THSD7A: variants seen among roughly 807,000 people sequenced by gnomAD.
THSD7A encodes thrombospondin type 1 domain containing 7A.
In THSD7A, 96 loss-of-function variants were observed where a neutral mutation model predicts 231.3. That is an observed-to-expected ratio of 0.41 (90% CI 0.35 to 0.49). The LOEUF (loss-of-function observed/expected upper bound fraction) is 0.49, where lower values mean the gene tolerates loss of function less well. THSD7A is among the 20% of genes least tolerant of loss of function. The pLI is 0.05. For missense variants in THSD7A, 2,290 were observed against 2,070.2 expected (o/e 1.11, Z -2.06); for synonymous variants, 940 against 743.3 (o/e 1.26, Z -4.30).
chr7:11,580,262 T>C (rs1286940864), intron 4 of THSD7A, among the ~76,000 whole-genome samples: 1 of 152,140 alleles, frequency 6.6e-6, no homozygotes, highest in Non-Finnish European at 1.5e-5. Context: ...ATGCAGGTGA[T>C]TCTTAAACTA....
intron 23 of THSD7A, among the ~76,000 whole-genome samples, chr7:11,398,118 G>C (rs577945520): frequency 2.0e-5 from 3 of 152,076 alleles, no homozygotes; most frequent in African/African-American, 7.2e-5. Flanking sequence ...TCACAATAGC[G>C]AAGACTTGGA....
chr7:11,659,989 C>T (rs1782866470), intron 1 of THSD7A, among the ~76,000 whole-genome samples: 1 of 151,464 alleles, frequency 6.6e-6, no homozygotes, highest in Non-Finnish European at 1.5e-5. Flanking sequence ...ATATTTCTTA[C>T]AGACCTCCAA....
chr7:11,480,124 T>C (rs557226229), intron 7 of THSD7A, among the ~76,000 whole-genome samples: 1 of 152,306 alleles, frequency 6.6e-6, no homozygotes, highest in East Asian at 1.9e-4. Flanking sequence ...TCTATAACTT[T>C]CCAGCATGAC....
chr7:11,712,652 T>G (rs1781005480), intron 1 of THSD7A, among the ~76,000 whole-genome samples: 1 of 151,102 alleles, frequency 6.6e-6, no homozygotes, highest in Non-Finnish European at 1.5e-5. Flanking sequence ...GTAAGCAGAA[T>G]CTCAGATTTG....
At chr7:11,462,678 T>C (rs1785550164) in intron 9 of THSD7A, among the ~76,000 whole-genome samples, 1 of 152,150 alleles carries the variant, frequency 6.6e-6, no homozygotes, top group Non-Finnish European at 1.5e-5. Context: ...GTCTAAGACC[T>C]TCAATTCAGG....
chr7:11,479,824 A>T (rs1213977968), intron 7 of THSD7A, among the ~76,000 whole-genome samples: 1 of 152,098 alleles, frequency 6.6e-6, no homozygotes, highest in East Asian at 1.9e-4. Flanking sequence ...AGAGGTAAAT[A>T]GCAGCAGAGA....
At chr7:11,586,217 A>G (rs1779897718) in intron 4 of THSD7A, among the ~76,000 whole-genome samples, 1 of 152,228 alleles carries the variant, frequency 6.6e-6, no homozygotes, top group African/African-American at 2.4e-5. Flanking sequence ...ATTATAGTAT[A>G]CTAGTGAAAG....
chr7:11,472,205 T>C (rs373059089), intron 8 of THSD7A, among the ~76,000 whole-genome samples: 2 of 152,160 alleles, frequency 1.3e-5, no homozygotes, highest in East Asian at 3.9e-4. Context: ...TTATCCTTTG[T>C]ACTGTTTGTA....
At chr7:11,511,215 C>A (rs1787794619) in intron 6 of THSD7A, among the ~76,000 whole-genome samples, 1 of 152,078 alleles carries the variant, frequency 6.6e-6, no homozygotes, top group Non-Finnish European at 1.5e-5. Context: ...ACCTAGGAAT[C>A]CAACTTACAA....
At chr7:11,748,634 T>G (rs1782393657) in intron 1 of THSD7A, among the ~76,000 whole-genome samples, 1 of 152,006 alleles carries the variant, frequency 6.6e-6, no homozygotes, top group Non-Finnish European at 1.5e-5. Flanking sequence ...TTATTAAAGC[T>G]ATAAACTTCC....
chr7:11,466,568 A>G (rs1785714536), intron 9 of THSD7A, among the ~76,000 whole-genome samples: 1 of 152,080 alleles, frequency 6.6e-6, no homozygotes, highest in East Asian at 1.9e-4. Context: ...ATTTCCTCAA[A>G]TACCCAACTG....
intron 4 of THSD7A, among the ~76,000 whole-genome samples, chr7:11,575,400 T>C (rs528517376): frequency 6.6e-6 from 1 of 152,328 alleles, no homozygotes; most frequent in South Asian, 2.1e-4. Flanking sequence ...ATAAACTTTT[T>C]CTTTGCCCTG....
chr7:11,483,263 T>A (rs1247365615), intron 6 of THSD7A, among the ~76,000 whole-genome samples: 1 of 152,160 alleles, frequency 6.6e-6, no homozygotes, highest in African/African-American at 2.4e-5. Context: ...CAGAGTAAAT[T>A]GCAAATGCTC....
intron 2 of THSD7A, among the ~76,000 whole-genome samples, chr7:11,631,774 A>C (rs999494987): frequency 2.0e-5 from 3 of 152,192 alleles, no homozygotes; most frequent in Admixed American, 2.0e-4. Context: ...GCAGATAAAG[A>C]ACTTATTTTC....
intron 8 of THSD7A, among the ~76,000 whole-genome samples, chr7:11,471,519 C>A (rs912138467): frequency 6.6e-6 from 1 of 151,944 alleles, no homozygotes; most frequent in Non-Finnish European, 1.5e-5. Context: ...CTTCTTCATA[C>A]ATAGATACTA....
intron 1 of THSD7A, among the ~76,000 whole-genome samples, chr7:11,666,677 G>C (rs893914464): frequency 7.3e-5 from 11 of 150,616 alleles, no homozygotes; most frequent in Admixed American, 3.3e-4. Flanking sequence ...TGATGAAACT[G>C]TTTTTTGATT....
At chr7:11,378,999 C>CT in intron 26 of THSD7A, 71 bp downstream of exon 26, 1 of 1,476,334 alleles carries the variant, frequency 6.8e-7, no homozygotes, top group Non-Finnish European at 9.3e-7. Flanking sequence ...GCTTTGCTCA[C>CT]TTTTTTAATC....
rs147039754 is a variant in THSD7A, at chr7:11,656,494, A to G, written c.191-19533T>C. ...GAGAAAGCTTGCAGTTGGATTATCT[A>G]GATCTCGTTCTCTACCGGAATTTAT... On this transcript the variant is annotated intron_variant, in intron 1 of 27. Coordinates refer to ENST00000423059, the MANE Select transcript of THSD7A (RefSeq NM_015204.3). Among the ~76,000 whole-genome samples, 73 of 151,950 alleles carry G rather than the reference A, an allele frequency of 4.8e-4. 1 individual carries two copies. The highest frequency in any genetic ancestry group is 1.6e-3 in the African/African-American group (66 of 41,514).
chr7:11,740,915 A>G (rs1043455030), intron 1 of THSD7A, among the ~76,000 whole-genome samples: 1 of 151,988 alleles, frequency 6.6e-6, no homozygotes, highest in African/African-American at 2.4e-5. Context: ...TATTTGCTGA[A>G]TTACTGAACA....
Sources: gnomAD v4.1 joint callset for allele counts (sites outside exome capture counted in the v4.1 genomes callset) on GRCh38, gnomAD v4.1.1 for gene constraint, MANE v1.5 for transcripts, NCBI Gene and HGNC (gene_info 2026-07-23, HGNC 2026-07-21) for gene names.